RIOK2: variants seen among roughly 807,000 people sequenced by gnomAD.
RIOK2 encodes serine/threonine-protein kinase RIO2.
Under a neutral mutation model 62.4 loss-of-function variants are expected in RIOK2, and 46 were observed. That is an observed-to-expected ratio of 0.74 (90% CI 0.58 to 0.94). The LOEUF (loss-of-function observed/expected upper bound fraction) is 0.94. RIOK2 is among the 40% of genes least tolerant of loss of function. RIOK2 has a pLI of 0.00. For synonymous variants in RIOK2, 197 were observed against 216.0 expected, an observed-to-expected ratio of 0.91 and a Z score of 0.77; for missense variants, 574 against 658.0, an observed-to-expected ratio of 0.87 and a Z score of 1.40.
chr5:97,163,482 G>GA (rs942246462), intron 9 of RIOK2, among the ~76,000 whole-genome samples: 1 of 152,142 alleles, frequency 6.6e-6, no homozygotes, highest in African/African-American at 2.4e-5. Flanking sequence ...AAAACTGATG[G>GA]AAAAAACAAG....
intron 2 of RIOK2, 50 bp downstream of exon 2, chr5:97,179,005 G>T: frequency 1.9e-6 from 3 of 1,609,332 alleles, no homozygotes; most frequent in Non-Finnish European, 2.5e-6. Flanking sequence ...ACTTGCTCTG[G>T]TGGAAACCAA....
Position 97,167,978 on chromosome 5 carries a change from G to C in RIOK2, c.886C>G (p.Leu296Val), listed in dbSNP as rs755919408. 1.5e-5 allele frequency: 24 copies of C among 1,596,446 alleles called. No homozygotes were observed. The Admixed American group carries it at 3.9e-4, about 26-fold the overall frequency. Residue 296 changes from leucine to valine, a missense_variant, in exon 8 of 10, where the codon CTT becomes GTT. Transcript: ENST00000283109. ...TFKDIRREDTLDVEVSASGYT... is the reference protein window; with the variant it reads ...TFKDIRREDTVDVEVSASGYT... Reference sequence around the variant, plus strand: ...CCACTGGCAGAAACCTCCACATCAAGAGTGTCTTCTCTCCTAGAAAAAAAA... The same window carrying C: ...CCACTGGCAGAAACCTCCACATCAACAGTGTCTTCTCTCCTAGAAAAAAAA...
chr5:97,163,242 A>AATTAGT lies in RIOK2; in HGVS notation c.1495-23_1495-18dup, dbSNP rs1345196723. The stretch of plus-strand genomic sequence containing the variant: ...CACCAGTTCCTGGAAAGATTTCATA[A>AATTAGT]ATTAGTATTACTGATAATGAACCAT... On this transcript the variant is annotated splice_polypyrimidine_tract_variant and intron_variant, in intron 9 of 9. Transcript: ENST00000283109. 6.2e-7 allele frequency: 1 copy of AATTAGT among 1,607,086 alleles called. No homozygotes were observed. Among genetic ancestry groups the AATTAGT allele is most frequent in the Non-Finnish European group, 8.5e-7 (1 of 1,175,276 alleles).
At chr5:97,175,932 G>A (rs1749150615) in intron 4 of RIOK2, 1 of 151,874 alleles carries the variant, frequency 6.6e-6, no homozygotes, top group South Asian at 2.1e-4. Context: ...AAAAATAAAG[G>A]ATTTTTTTTT....
rs780460235 is a variant in RIOK2 at position 97,161,842 on chromosome 5, T to C, written c.*1219A>G. On this transcript the variant is annotated 3_prime_UTR_variant, in exon 10 of 10. Transcript: ENST00000283109. Reference sequence around the variant, plus strand: ...ATAAAAATGCTTAAAAGTTGAGAGATTATACAAAATGAATACCTGAATTCA... The same window carrying C: ...ATAAAAATGCTTAAAAGTTGAGAGACTATACAAAATGAATACCTGAATTCA... 6.6e-6 allele frequency: 1 copy of C among 152,158 alleles called. No individual in the cohort carries two copies. Among genetic ancestry groups the C allele is most frequent in the Non-Finnish European group, 1.5e-5 (1 of 68,016 alleles). The allele number at this position is 152,158 out of a possible 1,614,324, so 9.4% of individuals were successfully genotyped here. A position where few individuals can be genotyped will look rare whatever the true frequency, so the allele number is the denominator to read the frequency against.
chr5:97,180,142 G>GTATATATATATATACGTATATA (rs1749355401), intron 1 of RIOK2, among the ~76,000 whole-genome samples: 1 of 96,072 alleles, frequency 1.0e-5, no homozygotes, highest in Non-Finnish European at 2.0e-5. Context: ...ATATATATAT[G>GTATATATATATATACGTATATA]TATATATATA....
At chr5:97,178,589 T>C (rs1185167713) in intron 2 of RIOK2, among the ~76,000 whole-genome samples, 1 of 150,298 alleles carries the variant, frequency 6.7e-6, no homozygotes, top group South Asian at 2.1e-4. Context: ...GTACTCTACA[T>C]GCTCTTCTGC....
chr5:97,168,163 T>C (rs1165900305), intron 7 of RIOK2, among the ~76,000 whole-genome samples, 172 bp from the exon 8 acceptor site: 1 of 152,180 alleles, frequency 6.6e-6, no homozygotes. Context: ...TAAACAAATA[T>C]GAAAGGTATA....
intron 4 of RIOK2, among the ~76,000 whole-genome samples, chr5:97,175,352 T>G (rs1415741317): frequency 1.3e-5 from 2 of 152,222 alleles, no homozygotes; most frequent in Non-Finnish European, 2.9e-5. Flanking sequence ...ACTTAAAGAT[T>G]GTGAATATTT....
chr5:97,170,653 T>C (rs1379677152), intron 6 of RIOK2, among the ~76,000 whole-genome samples: 3 of 152,240 alleles, frequency 2.0e-5, no homozygotes, highest in Admixed American at 2.0e-4. Flanking sequence ...ATTTGACTTT[T>C]GAACGTCTGT....
chr5:97,174,415 A>C (rs985004945), intron 4 of RIOK2, among the ~76,000 whole-genome samples: 1 of 148,770 alleles, frequency 6.7e-6, no homozygotes, highest in Non-Finnish European at 1.5e-5. Flanking sequence ...GCAAGACTAC[A>C]CCTCAAAAAA....
At chr5:97,181,270 C>CA (rs149948595) in intron 1 of RIOK2, among the ~76,000 whole-genome samples, 23,777 of 90,222 alleles carry the variant, frequency 0.26, 2,505 homozygotes, top group African/African-American at 0.34. Context: ...GACTCCGTCT[C>CA]AAAAAAAAAA....
intron 3 of RIOK2, 141 bp downstream of exon 3, chr5:97,177,588 CCTT>C (rs1749205221): frequency 6.6e-6 from 4 of 609,286 alleles, no homozygotes; most frequent in Non-Finnish European, 1.1e-5. Context: ...ATTAAGGACA[CCTT>C]CTGATTTGTA....
At chr5:97,167,043 A>G in intron 8 of RIOK2, 1 of 432,626 alleles carries the variant, frequency 2.3e-6, no homozygotes, top group Non-Finnish European at 3.1e-6. Flanking sequence ...CAGTCTCCCA[A>G]GTAGCTGGGA....
intron 8 of RIOK2, 171 bp downstream of exon 8, chr5:97,167,294 AGG>A (rs778737879): frequency 4.9e-6 from 7 of 1,441,016 alleles, no homozygotes; most frequent in Non-Finnish European, 6.4e-6. Context: ...TCAATTGAAA[AGG>A]AAGCTATTTT....
At chr5:97,176,022 C>T (rs940290265) in intron 4 of RIOK2, 1 of 151,930 alleles carries the variant, frequency 6.6e-6, no homozygotes, top group Non-Finnish European at 1.5e-5. Context: ...GGGGAAACTG[C>T]AGGGGTCAGC....
intron 4 of RIOK2, among the ~76,000 whole-genome samples, chr5:97,174,125 A>G (rs558657242): frequency 6.6e-6 from 1 of 152,290 alleles, no homozygotes; most frequent in South Asian, 2.1e-4. Context: ...CCATTTAAAA[A>G]TATATACATT....
chr5:97,168,038 T>A (rs376935256), intron 7 of RIOK2, 47 bp from the exon 8 acceptor site: 2 of 1,513,446 alleles, frequency 1.3e-6, no homozygotes, highest in Non-Finnish European at 1.8e-6. Flanking sequence ...AAAATGTTTA[T>A]CTAAGAGGAG....
At chr5:97,174,928 CATGCCT>C (rs1025229765) in intron 4 of RIOK2, among the ~76,000 whole-genome samples, 38 of 152,148 alleles carry the variant, frequency 2.5e-4, no homozygotes, top group African/African-American at 8.7e-4. Context: ...CATGGTAGCA[CATGCCT>C]GTGATCCTAG....
Sources: gnomAD v4.1 joint callset for allele counts (sites outside exome capture counted in the v4.1 genomes callset) on GRCh38, gnomAD v4.1.1 for gene constraint, MANE v1.5 for transcripts, NCBI Gene and HGNC (gene_info 2026-07-23, HGNC 2026-07-21) for gene names.